GRM5: variants seen among roughly 807,000 people sequenced by gnomAD.
The protein encoded by GRM5 is glutamate metabotropic receptor 5.
A neutral mutation model predicts 83.1 loss-of-function variants in GRM5; 19 were observed. That is an observed-to-expected ratio of 0.23 (90% CI 0.16 to 0.34). The LOEUF (loss-of-function observed/expected upper bound fraction) is 0.34, where lower values mean the gene tolerates loss of function less well. GRM5 is among the 10% of genes least tolerant of loss of function. The pLI, the probability that GRM5 is intolerant of heterozygous loss-of-function variation, is 1.00. For synonymous variants in GRM5, 675 were observed against 633.6 expected (o/e 1.07, Z -0.98); for missense variants, 1,160 against 1,588.3 (o/e 0.73, Z 4.58).
At chr11:88,699,785 T>G (rs1261605227) in intron 3 of GRM5, among the ~76,000 whole-genome samples, 1 of 152,190 alleles carries the variant, frequency 6.6e-6, no homozygotes, top group Non-Finnish European at 1.5e-5. Flanking sequence ...ACTTAAATAT[T>G]GATTTAAATA....
intron 4 of GRM5, among the ~76,000 whole-genome samples, chr11:88,614,560 G>A (rs1046359731): frequency 6.6e-6 from 1 of 152,112 alleles, no homozygotes; most frequent in African/African-American, 2.4e-5. Context: ...AGCAACTGGT[G>A]CAAAGGCAAT....
intron 2 of GRM5, among the ~76,000 whole-genome samples, chr11:88,872,909 A>G (rs1380044109): frequency 1.3e-5 from 2 of 148,708 alleles, no homozygotes; most frequent in Non-Finnish European, 3.0e-5. Context: ...TCAAAATAAA[A>G]CAGAAAGGCT....
At chr11:88,919,257 TCGGATAAA>T (rs1945649067) in intron 2 of GRM5, among the ~76,000 whole-genome samples, 14 of 96,430 alleles carry the variant, frequency 1.5e-4, no homozygotes, top group Non-Finnish European at 3.2e-4. Flanking sequence ...TATATATATA[TCGGATAAA>T]ATAGATTTTA....
chr11:88,666,503 C>G (rs777021764), intron 3 of GRM5, among the ~76,000 whole-genome samples: 1 of 152,170 alleles, frequency 6.6e-6, no homozygotes, highest in Non-Finnish European at 1.5e-5. Flanking sequence ...AGAGGAGCAA[C>G]AAGCCATTGA....
chr11:88,830,662 T>A (rs1314758385), intron 3 of GRM5, among the ~76,000 whole-genome samples: 1 of 152,194 alleles, frequency 6.6e-6, no homozygotes, highest in African/African-American at 2.4e-5. Context: ...CTACCCACAC[T>A]GGCTGTGAGA....
chr11:88,829,462 AAAAC>A (rs150935681), intron 3 of GRM5, among the ~76,000 whole-genome samples: 5 of 152,062 alleles, frequency 3.3e-5, no homozygotes, highest in Non-Finnish European at 5.9e-5. Flanking sequence ...CTTGGTCTCA[AAAAC>A]AAACAAACAA....
intron 6 of GRM5, among the ~76,000 whole-genome samples, chr11:88,594,541 G>A (rs905361867): frequency 5.3e-5 from 8 of 152,138 alleles, no homozygotes; most frequent in Non-Finnish European, 1.0e-4. Context: ...TTAGTCTGTG[G>A]GCCATAGTTT....
rs998612060 is a variant in GRM5, at chr11:88,738,140, A to ATGT, written c.912-84740_912-84738dup. On this transcript the variant is annotated intron_variant, in intron 3 of 9. Coordinates refer to ENST00000305447, the MANE Select transcript of GRM5 (RefSeq NM_001143831.3). ...ATTTTTTGAAATGTTTCTGTATTTTATGTTATTTTATTATTTGTACTTTAG... is the reference window on the plus strand; with the variant it reads ...ATTTTTTGAAATGTTTCTGTATTTTATGTTGTTATTTTATTATTTGTACTTTAG... 5.7e-4 allele frequency among the ~76,000 whole-genome samples: 87 copies of ATGT among 152,184 alleles called. 2 individuals carry two copies. The highest frequency in any genetic ancestry group is 2.1e-3 in the African/African-American group (87 of 41,568).
intron 3 of GRM5, among the ~76,000 whole-genome samples, chr11:88,846,352 T>C (rs1399722682): frequency 6.6e-6 from 1 of 152,236 alleles, no homozygotes; most frequent in Admixed American, 6.5e-5. Flanking sequence ...GATCTCAGCC[T>C]GCTGTCAGAG....
In GRM5 at chr11:88,506,856, C is replaced by A. The variant is rs1941195324; in HGVS notation, c.*1736G>T. On this transcript the variant is annotated 3_prime_UTR_variant, in exon 10 of 10. Transcript: ENST00000305447. ...GATGTGAAATAAAAAAAAATACTTA[C>A]CAAAGTAAGGATATTGAGCTAAAAG... 1 of 152,022 alleles carries A rather than the reference C, an allele frequency of 6.6e-6. No homozygotes were observed. The highest frequency in any genetic ancestry group is 1.5e-5 in the Non-Finnish European group (1 of 67,982). The allele number at this position is 152,022 out of a possible 1,614,324, so 9.4% of individuals were successfully genotyped here.
chr11:88,674,491 G>A (rs928054024), intron 3 of GRM5, among the ~76,000 whole-genome samples: 2 of 151,814 alleles, frequency 1.3e-5, no homozygotes, highest in Non-Finnish European at 1.5e-5. Context: ...TGCTCCAGAG[G>A]AACCTCCAAT....
At chr11:88,673,353 G>A (rs1045683988) in intron 3 of GRM5, among the ~76,000 whole-genome samples, 2 of 151,818 alleles carry the variant, frequency 1.3e-5, no homozygotes, top group African/African-American at 2.4e-5. Flanking sequence ...GAATGACACC[G>A]AATTTTCTGA....
At chr11:88,976,874 T>TA (rs994290728) in intron 2 of GRM5, among the ~76,000 whole-genome samples, 1 of 151,990 alleles carries the variant, frequency 6.6e-6, no homozygotes, top group African/African-American at 2.4e-5. Context: ...AAAAAATACT[T>TA]AGATATGCTA....
intron 2 of GRM5, among the ~76,000 whole-genome samples, chr11:88,976,122 G>C (rs941279091): frequency 7.0e-4 from 107 of 152,278 alleles, no homozygotes; most frequent in African/African-American, 2.5e-3. Flanking sequence ...TAAGTGAAAT[G>C]ATTCCAGTTA....
chr11:88,830,626 T>C lies in GRM5; in HGVS notation c.911+19280A>G, dbSNP rs377395208. 2.0e-5 allele frequency among the ~76,000 whole-genome samples: 3 copies of C among 152,022 alleles called. No homozygotes were observed. The East Asian group carries it at 5.8e-4, about 29-fold the overall frequency. ...TAATGGTCCATATCCCCACCACGGA[T>C]TCCTGCAATACTTGCCAGAGCCGTT... On this transcript the variant is annotated intron_variant, in intron 3 of 9. Transcript: ENST00000305447.
Position 89,009,918 on chromosome 11 carries a change from A to AAAC in GRM5, c.661+37293_661+37294insGTT, listed in dbSNP as rs1471212431. Among the ~76,000 whole-genome samples, 240 of 136,158 alleles carry AAAC rather than the reference A, an allele frequency of 1.8e-3. 18 individuals carry two copies. Among genetic ancestry groups the AAAC allele is most frequent in the African/African-American group, 7.3e-3 (231 of 31,504 alleles). 89.3% of individuals were successfully genotyped at this position (136,158 alleles called of 152,430 possible). A position where few individuals can be genotyped will look rare whatever the true frequency, so the allele number is the denominator to read the frequency against. ...TCCGTCTCAAAAAAAAAAAAAAAAA[A>AAAC]AAAAAAAAAAAACACACACAAAATC... On this transcript the variant is annotated intron_variant, in intron 2 of 9. Transcript: ENST00000305447.
intron 3 of GRM5, among the ~76,000 whole-genome samples, chr11:88,743,094 C>G (rs931895799): frequency 6.6e-6 from 1 of 152,122 alleles, no homozygotes; most frequent in African/African-American, 2.4e-5. Context: ...CTCCTTCCAA[C>G]AGAATTGCCA....
At chr11:88,990,675 G>A (rs1357611276) in intron 2 of GRM5, among the ~76,000 whole-genome samples, 4 of 150,624 alleles carry the variant, frequency 2.7e-5, no homozygotes, top group Admixed American at 1.3e-4. Context: ...TGATCAAGTG[G>A]GCTTCATCCC....
chr11:89,007,834 A>G (rs951803560), intron 2 of GRM5, among the ~76,000 whole-genome samples: 5 of 152,210 alleles, frequency 3.3e-5, no homozygotes, highest in Non-Finnish European at 7.3e-5. Flanking sequence ...GTGAATCCTC[A>G]GTTTCTGTAG....
Sources: gnomAD v4.1 joint callset for allele counts (sites outside exome capture counted in the v4.1 genomes callset) on GRCh38, gnomAD v4.1.1 for gene constraint, MANE v1.5 for transcripts, NCBI Gene and HGNC (gene_info 2026-07-23, HGNC 2026-07-21) for gene names.